The following SNX13 variants were observed in gnomAD, a reference collection of about 807,000 sequenced individuals.
SNX13 encodes sorting nexin 13, also known as sorting nexin-13.
Under a neutral mutation model 133.6 loss-of-function variants are expected in SNX13, and 45 were observed. The observed-to-expected ratio is 0.34, with a 90% CI of 0.27 to 0.43. The LOEUF is 0.43. SNX13 is among the 20% of genes least tolerant of loss of function. SNX13 has a pLI of 1.00. For synonymous variants in SNX13, 414 were observed against 373.9 expected, an observed-to-expected ratio of 1.11 and a Z score of -1.24; for missense variants, 1,032 against 1,145.1, an observed-to-expected ratio of 0.90 and a Z score of 1.43.
In SNX13 at chr7:17,791,464, T is replaced by C. The variant is rs1783534360; in HGVS notation, c.*2581A>G. ...AATTGATTTCAGCAACTATTTGGAA[T>C]ATCCTAATTATAGGAAATGCCCATC... is the stretch of plus-strand genomic sequence containing the variant. On this transcript the variant is annotated 3_prime_UTR_variant, in exon 26 of 26. Transcript: ENST00000428135. 1 of 151,834 alleles carries C rather than the reference T, an allele frequency of 6.6e-6. No individual in the cohort carries two copies. Among genetic ancestry groups the C allele is most frequent in the Non-Finnish European group, 1.5e-5 (1 of 67,860 alleles). 9.4% of individuals were successfully genotyped at this position (151,834 alleles called of 1,614,324 possible).
At chr7:17,823,093 T>G (rs1253259407) in intron 17 of SNX13, among the ~76,000 whole-genome samples, 2 of 152,200 alleles carry the variant, frequency 1.3e-5, no homozygotes, top group Non-Finnish European at 2.9e-5. Context: ...TCTTCTAAAT[T>G]TGAGGGCAGG....
At chr7:17,857,355 A>C (rs536085158) in intron 9 of SNX13, among the ~76,000 whole-genome samples, 1 of 152,314 alleles carries the variant, frequency 6.6e-6, no homozygotes, top group East Asian at 1.9e-4. Flanking sequence ...CCAAAAATTA[A>C]AGAGGAAGGA....
intron 1 of SNX13, among the ~76,000 whole-genome samples, chr7:17,916,244 A>C (rs1244322263): frequency 6.6e-6 from 1 of 152,176 alleles, no homozygotes; most frequent in Non-Finnish European, 1.5e-5. Context: ...GAAAAACAAA[A>C]ACAAACTCCA....
intron 24 of SNX13, 121 bp downstream of exon 24, chr7:17,798,569 A>C (rs920479881): frequency 1.5e-6 from 1 of 680,044 alleles, no homozygotes; most frequent in African/African-American, 1.9e-5. Context: ...CTTTTTGCTC[A>C]TCAATGATAA....
intron 21 of SNX13, among the ~76,000 whole-genome samples, chr7:17,803,047 G>A (rs903440846): frequency 3.9e-5 from 6 of 152,106 alleles, no homozygotes; most frequent in Non-Finnish European, 7.4e-5. Flanking sequence ...TATGCTTCCT[G>A]AGTGAATACT....
intron 9 of SNX13, among the ~76,000 whole-genome samples, chr7:17,862,693 C>T (rs1171718788): frequency 6.6e-6 from 1 of 151,970 alleles, no homozygotes; most frequent in Non-Finnish European, 1.5e-5. Flanking sequence ...TAACTAATCC[C>T]CTATTTGGGA....
At chr7:17,866,312 C>T (rs1041755936) in intron 9 of SNX13, among the ~76,000 whole-genome samples, 1 of 150,656 alleles carries the variant, frequency 6.6e-6, no homozygotes, top group African/African-American at 2.4e-5. Flanking sequence ...AAAAAAGAAT[C>T]CCATTAAAAA....
At chr7:17,881,233 G>A (rs1583602856) in intron 5 of SNX13, 1 of 120,034 alleles carries the variant, frequency 8.3e-6, no homozygotes, top group African/African-American at 3.4e-5. Flanking sequence ...GACACTATAT[G>A]TACAACACAC....
chr7:17,891,729 A>G (rs558101908), intron 3 of SNX13, 94 bp from the exon 4 acceptor site: 2 of 736,884 alleles, frequency 2.7e-6, no homozygotes, highest in Non-Finnish European at 4.5e-6. Context: ...ACATCCCTTC[A>G]TTATCCTCAA....
At chr7:17,832,305 T>C (rs1788592032) in intron 15 of SNX13, 1 of 984,462 alleles carries the variant, frequency 1.0e-6, no homozygotes. Context: ...AAGATATGAA[T>C]GGAAGCTAGA....
At chr7:17,829,625 G>A (rs79782611) in intron 16 of SNX13, among the ~76,000 whole-genome samples, 33 of 151,208 alleles carry the variant, frequency 2.2e-4, no homozygotes, top group East Asian at 2.1e-3. Flanking sequence ...AATACAAGAG[G>A]AGAAAAAAAC....
At chr7:17,868,775 A>T (rs897135973) in intron 8 of SNX13, among the ~76,000 whole-genome samples, 4 of 152,120 alleles carry the variant, frequency 2.6e-5, no homozygotes, top group Non-Finnish European at 5.9e-5. Flanking sequence ...TGTCAATTTT[A>T]AAAAGACAAA....
At chr7:17,858,455 C>A (rs918322586) in intron 9 of SNX13, among the ~76,000 whole-genome samples, 2 of 151,686 alleles carry the variant, frequency 1.3e-5, no homozygotes, top group Admixed American at 1.3e-4. Flanking sequence ...GATACATAAA[C>A]ACTAAAAATT....
At chr7:17,859,205 A>C (rs183280386) in intron 9 of SNX13, among the ~76,000 whole-genome samples, 274 of 152,222 alleles carry the variant, frequency 1.8e-3, no homozygotes, top group African/African-American at 6.2e-3. Context: ...TCTGATAAAG[A>C]ACTTCTATGT....
At chr7:17,898,879 A>G (rs1797511516) in intron 1 of SNX13, 1 of 152,064 alleles carries the variant, frequency 6.6e-6, no homozygotes, top group Non-Finnish European at 1.5e-5. Context: ...GTGTTTTATT[A>G]TCCTTTTTCC....
chr7:17,864,452 C>T (rs557136820), intron 9 of SNX13, among the ~76,000 whole-genome samples: 4 of 151,928 alleles, frequency 2.6e-5, no homozygotes, highest in Non-Finnish European at 4.4e-5. Flanking sequence ...ACAGGCTATA[C>T]GAAAACACAT....
At chr7:17,925,826 G>T (rs1342323161) in intron 1 of SNX13, among the ~76,000 whole-genome samples, 1 of 152,022 alleles carries the variant, frequency 6.6e-6, no homozygotes, top group Non-Finnish European at 1.5e-5. Flanking sequence ...GAGAAAAAGA[G>T]GAGAAAGTGG....
chr7:17,811,780 T>C (rs764749729), intron 20 of SNX13, among the ~76,000 whole-genome samples: 6 of 152,208 alleles, frequency 3.9e-5, no homozygotes, highest in Non-Finnish European at 8.8e-5. Context: ...AACAGCATGG[T>C]ACTGGTACCA....
At chr7:17,810,346 C>A (rs1364469073) in intron 20 of SNX13, among the ~76,000 whole-genome samples, 1 of 152,126 alleles carries the variant, frequency 6.6e-6, no homozygotes. Context: ...AACAACTCTA[C>A]ACAAATAAAC....
Sources: allele counts gnomAD v4.1 joint callset (sites outside exome capture counted in the v4.1 genomes callset), GRCh38; gene constraint gnomAD v4.1.1; transcripts MANE v1.5; gene names NCBI Gene and HGNC (gene_info 2026-07-23, HGNC 2026-07-21).